RORA: variants seen among roughly 807,000 people sequenced by gnomAD.
The protein encoded by RORA is nuclear receptor ROR-alpha.
Under a neutral mutation model 69.5 loss-of-function variants are expected in RORA, and 7 were observed. That is an observed-to-expected ratio of 0.10 (90% CI 0.06 to 0.19). RORA has a LOEUF of 0.19. RORA is among the 10% of genes least tolerant of loss of function. RORA has a pLI of 1.00. For synonymous variants in RORA, 261 were observed against 240.8 expected (o/e 1.08, Z -0.78); for missense variants, 457 against 663.0 (o/e 0.69, Z 3.41).
chr15:60,823,058 C>G (rs2072912906), intron 1 of RORA, among the ~76,000 whole-genome samples: 1 of 141,848 alleles, frequency 7.0e-6, no homozygotes. Context: ...CTCTCCCTCC[C>G]CTCCCCTCCC....
At chr15:60,629,192 T>TTTTTTTC (rs970144128) in intron 2 of RORA, among the ~76,000 whole-genome samples, 9 of 141,880 alleles carry the variant, frequency 6.3e-5, no homozygotes, top group African/African-American at 2.4e-4. Flanking sequence ...TTATTCTTTT[T>TTTTTTTC]TTTTTTTTTT....
chr15:61,072,920 T>C (rs2078388136), intron 1 of RORA, among the ~76,000 whole-genome samples: 1 of 152,224 alleles, frequency 6.6e-6, no homozygotes. Flanking sequence ...ATGTTAGGTG[T>C]TCAAAATCAG....
chr15:60,696,957 G>T (rs1274760276), intron 1 of RORA, among the ~76,000 whole-genome samples: 1 of 152,160 alleles, frequency 6.6e-6, no homozygotes, highest in Non-Finnish European at 1.5e-5. Flanking sequence ...GACTTAATGA[G>T]TGTGAGATGG....
intron 1 of RORA, among the ~76,000 whole-genome samples, chr15:60,988,004 G>A (rs1322779319): frequency 6.6e-6 from 1 of 152,154 alleles, no homozygotes; most frequent in Non-Finnish European, 1.5e-5. Context: ...TTTTCTTCGT[G>A]GCAGCTTGGC....
chr15:60,883,139 A>AAC (rs2073707031), intron 1 of RORA, among the ~76,000 whole-genome samples: 1 of 87,080 alleles, frequency 1.1e-5, no homozygotes, highest in Non-Finnish European at 2.4e-5. Context: ...TCAAAAAAAA[A>AAC]AAAAAAAAAA....
intron 1 of RORA, among the ~76,000 whole-genome samples, chr15:61,149,314 C>T (rs1438939308): frequency 6.6e-6 from 1 of 152,138 alleles, no homozygotes; most frequent in Non-Finnish European, 1.5e-5. Flanking sequence ...CATCTCTGGT[C>T]TTTCTTGTCT....
chr15:60,966,838 G>A (rs1893566472), intron 1 of RORA, among the ~76,000 whole-genome samples: 1 of 152,216 alleles, frequency 6.6e-6, no homozygotes, highest in South Asian at 2.1e-4. Flanking sequence ...AAGGAAGTCG[G>A]TCCAGCTCAG....
chr15:60,888,290 C>T (rs2073773994), intron 1 of RORA, among the ~76,000 whole-genome samples: 1 of 152,242 alleles, frequency 6.6e-6, no homozygotes, highest in Admixed American at 6.5e-5. Flanking sequence ...CACCCCACCT[C>T]AGGGGACACT....
chr15:61,165,975 G>T (rs927763938), intron 1 of RORA, among the ~76,000 whole-genome samples: 3 of 152,178 alleles, frequency 2.0e-5, no homozygotes, highest in African/African-American at 7.2e-5. Flanking sequence ...AGACCTAAGT[G>T]GCAGAAGTCT....
At chr15:60,750,157 GA>G (rs1326708628) in intron 1 of RORA, among the ~76,000 whole-genome samples, 1 of 152,160 alleles carries the variant, frequency 6.6e-6, no homozygotes, top group African/African-American at 2.4e-5. Context: ...TACAGTTGAG[GA>G]AATGGAGGTT....
chr15:60,509,700 A>G (rs2065630366), intron 5 of RORA, among the ~76,000 whole-genome samples: 1 of 151,946 alleles, frequency 6.6e-6, no homozygotes, highest in Non-Finnish European at 1.5e-5. Context: ...ATCCTTATTC[A>G]TATCTGAAAA....
intron 1 of RORA, among the ~76,000 whole-genome samples, chr15:60,715,455 C>G (rs1044631439): frequency 6.6e-6 from 1 of 152,188 alleles, no homozygotes; most frequent in East Asian, 1.9e-4. Flanking sequence ...AAGACCTTCA[C>G]GTGGTGCCTC....
chr15:61,158,006 C>G (rs994086973), intron 1 of RORA, among the ~76,000 whole-genome samples: 7 of 152,132 alleles, frequency 4.6e-5, no homozygotes, highest in African/African-American at 1.7e-4. Flanking sequence ...AGCCACAGTT[C>G]AATTCATGAG....
intron 1 of RORA, among the ~76,000 whole-genome samples, chr15:61,139,374 G>A (rs1034176577): frequency 5.9e-5 from 9 of 152,100 alleles, no homozygotes; most frequent in African/African-American, 2.2e-4. Flanking sequence ...GAAGAATCAG[G>A]ACATTTTGCC....
chr15:60,771,784 C>G (rs1009366139), intron 1 of RORA, among the ~76,000 whole-genome samples: 1 of 152,212 alleles, frequency 6.6e-6, no homozygotes, highest in Admixed American at 6.5e-5. Context: ...CTTGTTCTCT[C>G]TGTAGATCAG....
chr15:60,950,244 A>AT (rs1893045458), intron 1 of RORA, among the ~76,000 whole-genome samples: 1 of 150,036 alleles, frequency 6.7e-6, no homozygotes. Context: ...ATGCTGAGAG[A>AT]TTTTGTCACC....
intron 1 of RORA, among the ~76,000 whole-genome samples, chr15:60,924,081 C>T (rs1389123415): frequency 6.6e-6 from 1 of 152,150 alleles, no homozygotes; most frequent in East Asian, 1.9e-4. Flanking sequence ...CTCACCTTGG[C>T]ACTTGCTCTC....
intron 1 of RORA, among the ~76,000 whole-genome samples, chr15:61,084,271 G>T (rs963087851): frequency 2.0e-5 from 3 of 152,178 alleles, no homozygotes; most frequent in African/African-American, 7.2e-5. Context: ...CATTAACCAT[G>T]CTTGATGAGA....
Position 60,519,052 on chromosome 15 carries a change from C to T in RORA, c.283-4295G>A, listed in dbSNP as rs551953766. Among the ~76,000 whole-genome samples the T allele has an allele frequency of 1.4e-3, 219 of 152,180 alleles. 2 individuals are homozygous for T. The highest frequency in any genetic ancestry group is 2.6e-3 in the Non-Finnish European group (175 of 68,040). ...GTATTATTATTATTGTTGTTAATCTCTCATTGTGCCTAATTTATAAGTTCA... is the reference window on the plus strand; with the variant it reads ...GTATTATTATTATTGTTGTTAATCTTTCATTGTGCCTAATTTATAAGTTCA... On this transcript the variant is annotated intron_variant, in intron 3 of 10. Transcript: ENST00000335670.
Sources: gnomAD v4.1 joint callset for allele counts (sites outside exome capture counted in the v4.1 genomes callset) on GRCh38, gnomAD v4.1.1 for gene constraint, MANE v1.5 for transcripts, NCBI Gene and HGNC (gene_info 2026-07-23, HGNC 2026-07-21) for gene names.